SLC6A7: variants seen among roughly 807,000 people sequenced by gnomAD.
SLC6A7 encodes sodium-dependent proline transporter.
In SLC6A7, 58 loss-of-function variants were observed where a neutral mutation model predicts 73.1. The ratio of observed to expected loss-of-function variants is 0.79; its 90% CI spans 0.64 to 0.99. The LOEUF is 0.99. Ranked by LOEUF, SLC6A7 falls within the 50% of genes least tolerant of loss-of-function variation. The pLI is 0.00. For missense variants in SLC6A7, 783 were observed against 831.4 expected (o/e 0.94, Z 0.72); for synonymous variants, 338 against 338.7 (o/e 1.00, Z 0.02).
intron 5 of SLC6A7, among the ~76,000 whole-genome samples, chr5:150,199,878 AC>A (rs1461952854): frequency 2.0e-5 from 3 of 152,068 alleles, no homozygotes; most frequent in Non-Finnish European, 1.5e-5. Flanking sequence ...TCGTGAGGTC[AC>A]CCTAGCAGCT....
chr5:150,194,979 T>G, intron 2 of SLC6A7, 68 bp downstream of exon 2: 1 of 1,419,058 alleles, frequency 7.0e-7, no homozygotes. Flanking sequence ...TACAGTGAGC[T>G]TTTAGGTGGC....
chr5:150,209,278 C>A (rs143456372), intron 13 of SLC6A7, 128 bp from the exon 14 acceptor site: 2 of 769,960 alleles, frequency 2.6e-6, no homozygotes, highest in Admixed American at 2.2e-5. Flanking sequence ...CCCACTTCCC[C>A]GCCAGGGGGC....
At chr5:150,209,355 C>T (rs769148713) in intron 13 of SLC6A7, 51 bp from the exon 14 acceptor site, 21 of 1,477,886 alleles carry the variant, frequency 1.4e-5, no homozygotes, top group South Asian at 4.5e-5. Context: ...GTGAACCCTC[C>T]ACCAGCGCTG....
chr5:150,203,694 C>G lies in SLC6A7; in HGVS notation c.1115C>G (p.Pro372Arg). Residue 372 changes from proline (P) to arginine (R), a missense_variant, in exon 9 of 14, where the codon CCA (proline) becomes CGA (arginine). By Grantham distance (103) the Pro-to-Arg change is moderately radical. Transcript: ENST00000230671. ...CCTGGCCTGGCCTTTGTCGTCTACC[C>G]ACAGGCCATGACCATGCTGCCTCTG... ...AGPGLAFVVY[P>R]QAMTMLPLSP... 6.2e-7 allele frequency: 1 copy of G among 1,612,060 alleles called. No homozygotes were observed. Among genetic ancestry groups the G allele is most frequent in the Admixed American group, 1.7e-5 (1 of 60,018 alleles).
chr5:150,194,498 T>C (rs1752924664), intron 1 of SLC6A7, among the ~76,000 whole-genome samples: 1 of 150,914 alleles, frequency 6.6e-6, no homozygotes, highest in Non-Finnish European at 1.5e-5. Flanking sequence ...AAGGTCAGGG[T>C]AGCTTTGTTA....
At position 150,196,816 on chromosome 5, in the gene SLC6A7, G is replaced by A. The variant is rs148906856; in HGVS notation, c.318G>A (p.Leu106=). 6.9e-5 allele frequency: 111 copies of A among 1,613,956 alleles called. No homozygotes were observed. The highest frequency in any genetic ancestry group is 9.2e-5 in the Non-Finnish European group (108 of 1,179,968). Residue 106 remains leucine (L), a synonymous_variant, in exon 3 of 14, where the codon CTG becomes CTA. Coordinates refer to ENST00000230671, the MANE Select transcript of SLC6A7 (RefSeq NM_014228.5). ...SLGQFSSLGP[L]AVWKISPLFK... Reference sequence around the variant, plus strand: ...GCCAGTTCTCCAGCCTAGGGCCCCTGGCTGTCTGGAAAATCAGCCCTCTCT... The same window carrying A: ...GCCAGTTCTCCAGCCTAGGGCCCCTAGCTGTCTGGAAAATCAGCCCTCTCT...
intron 1 of SLC6A7, among the ~76,000 whole-genome samples, chr5:150,190,575 G>A (rs755965102): frequency 5.9e-5 from 9 of 152,190 alleles, no homozygotes; most frequent in Non-Finnish European, 1.3e-4. Context: ...TGTAGTATGA[G>A]GGGAGTCCTG....
At position 150,190,146 on chromosome 5, in the gene SLC6A7, T is replaced by G; in HGVS notation, c.-182T>G. 4.0e-6 allele frequency: 2 copies of G among 497,868 alleles called. No homozygotes were observed. The highest frequency in any genetic ancestry group is 6.9e-6 in the Non-Finnish European group (2 of 289,896). The allele number at this position is 497,868 out of a possible 1,614,324, so 30.8% of individuals were successfully genotyped here. The stretch of plus-strand genomic sequence containing the variant: ...GCGCTGCGCAGGGACAGACAAGGCA[T>G]TCGCAGCGCCCTGCCCGCGCTCCAC... On this transcript the variant is annotated 5_prime_UTR_variant, in exon 1 of 14. Coordinates refer to ENST00000230671, the MANE Select transcript of SLC6A7 (RefSeq NM_014228.5).
intron 13 of SLC6A7, among the ~76,000 whole-genome samples, chr5:150,207,079 A>C (rs1285293800): frequency 6.6e-6 from 1 of 152,212 alleles, no homozygotes; most frequent in East Asian, 1.9e-4. Flanking sequence ...GCCATTTGCC[A>C]GCCTCGCGGC....
At chr5:150,202,168 C>T (rs2240786) in intron 6 of SLC6A7, among the ~76,000 whole-genome samples, 179 bp from the exon 7 acceptor site, 3 of 151,980 alleles carry the variant, frequency 2.0e-5, no homozygotes, top group Non-Finnish European at 4.4e-5. Context: ...CATGTCCCAC[C>T]GTGTAAATGT....
chr5:150,209,972 G>A lies in SLC6A7; in HGVS notation c.*357G>A, dbSNP rs1378887836. On this transcript the variant is annotated 3_prime_UTR_variant, in exon 14 of 14. Transcript: ENST00000230671. The stretch of plus-strand genomic sequence containing the variant: ...TGACCAGCCAGCTCCCTTTCCCATG[G>A]GGCAGCCGGCACCACCTTCTCATCT... 1 of 312,898 alleles carries A rather than the reference G, an allele frequency of 3.2e-6. No individual in the cohort carries two copies. The highest frequency in any genetic ancestry group is 3.6e-5 in the South Asian group (1 of 27,644). The allele number at this position is 312,898 out of a possible 1,614,324, so 19.4% of individuals were successfully genotyped here. A position where few individuals can be genotyped will look rare whatever the true frequency, so the allele number is the denominator to read the frequency against.
At chr5:150,190,385 G>A in intron 1 of SLC6A7, 25 bp downstream of exon 1, 1 of 1,475,718 alleles carries the variant, frequency 6.8e-7, no homozygotes, top group Non-Finnish European at 9.0e-7. Context: ...CGGGGGCGCT[G>A]GGGGTGCACC....
intron 13 of SLC6A7, 89 bp downstream of exon 13, chr5:150,205,712 C>A: frequency 8.7e-7 from 1 of 1,154,260 alleles, no homozygotes; most frequent in Non-Finnish European, 1.2e-6. Flanking sequence ...CATATGCACC[C>A]ACCCCTTATC....
chr5:150,208,423 G>C (rs7725656), intron 13 of SLC6A7, among the ~76,000 whole-genome samples: 2,502 of 152,278 alleles, frequency 0.016, 70 homozygotes, highest in African/African-American at 0.056. Context: ...TGGAGCAGAG[G>C]GGGTGGAGAG....
At chr5:150,207,245 G>GT (rs1297717493) in intron 13 of SLC6A7, among the ~76,000 whole-genome samples, 1 of 152,142 alleles carries the variant, frequency 6.6e-6, no homozygotes, top group East Asian at 1.9e-4. Context: ...CAATAGGCAG[G>GT]TTTTTTTGTC....
At chr5:150,200,629 A>G (rs1328019393) in intron 5 of SLC6A7, among the ~76,000 whole-genome samples, 1 of 152,260 alleles carries the variant, frequency 6.6e-6, no homozygotes, top group Non-Finnish European at 1.5e-5. Flanking sequence ...ATTTAAGACA[A>G]AAAAGACAGG....
chr5:150,207,387 C>T (rs1449736133), intron 13 of SLC6A7, among the ~76,000 whole-genome samples: 4 of 152,162 alleles, frequency 2.6e-5, no homozygotes, highest in Non-Finnish European at 5.9e-5. Flanking sequence ...TCCCAAGTAG[C>T]TGGGATGACA....
In SLC6A7 at chr5:150,203,793, G is replaced by C. The variant is rs972705217; in HGVS notation, c.1200+14G>C. 1 of 1,547,438 alleles carries C rather than the reference G, an allele frequency of 6.5e-7. No individual in the cohort carries two copies. Among genetic ancestry groups the C allele is most frequent in the Non-Finnish European group, 8.9e-7 (1 of 1,120,234 alleles). ...CTAGATAGCCAGGTGAGTCTCGTCT[G>C]TGGCAGCAGGCACCCCGTGTGTGTG... is the stretch of plus-strand genomic sequence containing the variant. On this transcript the variant is annotated intron_variant, in intron 9 of 13. Transcript: ENST00000230671.
chr5:150,198,813 T>C (rs1004389190), intron 4 of SLC6A7, among the ~76,000 whole-genome samples: 108 of 59,160 alleles, frequency 1.8e-3, no homozygotes, highest in Non-Finnish European at 2.8e-3. Flanking sequence ...CCCTGGATGG[T>C]GTGTGTGTGT....
Sources: allele counts gnomAD v4.1 joint callset (sites outside exome capture counted in the v4.1 genomes callset), GRCh38; gene constraint gnomAD v4.1.1; transcripts MANE v1.5; gene names NCBI Gene and HGNC (gene_info 2026-07-23, HGNC 2026-07-21).